Variants in ACP5 observed in about 807,000 individuals in gnomAD.
ACP5 encodes acid phosphatase 5, tartrate resistant.
A neutral mutation model predicts 28.7 loss-of-function variants in ACP5; 24 were observed. The observed-to-expected ratio is 0.84, with a 90% CI of 0.61 to 1.18. The LOEUF (loss-of-function observed/expected upper bound fraction) is 1.18, where lower values mean the gene tolerates loss of function less well. Among genes scored for constraint, ACP5 ranks in the 50% most tolerant of loss-of-function variants. The pLI is 0.00. For synonymous variants in ACP5, 154 were observed against 181.4 expected (o/e 0.85, Z 1.21); for missense variants, 354 against 422.2 (o/e 0.84, Z 1.42).
At position 11,577,385 on chromosome 19, in the gene ACP5, G is replaced by T; in HGVS notation, c.1-68C>A. 9 of 1,552,372 alleles carry T rather than the reference G, an allele frequency of 5.8e-6. No individual in the cohort carries two copies. The highest frequency in any genetic ancestry group is 7.9e-6 in the Non-Finnish European group (9 of 1,141,106). On this transcript the variant is annotated intron_variant, in intron 1 of 4. Transcript: ENST00000648477. This position sits in a 1 kb window ranked among gnomAD's most constrained non-coding sequence, Gnocchi z 5.7. Reference sequence around the variant, plus strand: ...AGGGCAGGGAGGCCTTGAGACCCCCGCCTGCCCTGAGATAGAGGGAGACTG... The same window carrying T: ...AGGGCAGGGAGGCCTTGAGACCCCCTCCTGCCCTGAGATAGAGGGAGACTG...
Position 11,577,144 on chromosome 19 carries a change from C to T in ACP5, c.174G>A (p.Val58=). 1.2e-6 allele frequency: 2 copies of T among 1,614,212 alleles called. No homozygotes were observed. Among genetic ancestry groups the T allele is most frequent in the African/African-American group, 2.7e-5 (2 of 75,058 alleles). The part of the protein sequence containing the change: ...MANAKEIART[V]QILGADFILS... ...GGATGAAGTCTGCACCCAGGATCTGCACAGTCCGAGCGATCTCCTTGGCAT... is the reference window on the plus strand; with the variant it reads ...GGATGAAGTCTGCACCCAGGATCTGTACAGTCCGAGCGATCTCCTTGGCAT... Residue 58 remains valine, a synonymous_variant, in exon 2 of 5, where the codon GTG becomes GTA. Transcript: ENST00000648477. This position sits in a 1 kb window ranked among gnomAD's most constrained non-coding sequence, Gnocchi z 5.7.
intron 4 of ACP5, 113 bp from the exon 5 acceptor site, chr19:11,575,365 C>T (rs1268638708): frequency 1.9e-5 from 25 of 1,299,518 alleles, no homozygotes; most frequent in Non-Finnish European, 2.6e-5. Context: ...TATGTAACCC[C>T]TCCTGGCTTC....
upstream of ACP5, chr19:11,577,667 G>C (rs1012455455): frequency 7.1e-6 from 3 of 423,068 alleles, no homozygotes; most frequent in Non-Finnish European, 1.3e-5. The surrounding 1 kb of genome is among the most constrained non-coding windows in gnomAD (Gnocchi z 5.7). Flanking sequence ...GCCGGTCCCT[G>C]AGCCTTTATT....
chr19:11,575,376 A>C, intron 4 of ACP5, 124 bp from the exon 5 acceptor site: 1 of 1,192,474 alleles, frequency 8.4e-7, no homozygotes, highest in East Asian at 2.5e-5. Context: ...TCCTGGCTTC[A>C]ATTTCCTGAC....
chr19:11,575,267 C>CA lies in ACP5; in HGVS notation c.736-16dup, dbSNP rs775399613. On this transcript the variant is annotated splice_polypyrimidine_tract_variant and intron_variant, in intron 4 of 4. Coordinates refer to ENST00000648477, the MANE Select transcript of ACP5 (RefSeq NM_001611.5). ...TCTTGCAGGTACTGAGGATGGAGGACAAGGGGTCAGTGGAGACCCAGCTTT... is the reference window on the plus strand; with the variant it reads ...TCTTGCAGGTACTGAGGATGGAGGACAAAGGGGTCAGTGGAGACCCAGCTTT... 3.7e-6 allele frequency: 6 copies of CA among 1,613,236 alleles called. No individual in the cohort carries two copies. The highest frequency in any genetic ancestry group is 3.4e-6 in the Non-Finnish European group (4 of 1,180,008).
At chr19:11,575,394 A>G in intron 4 of ACP5, 142 bp from the exon 5 acceptor site, 1 of 1,010,394 alleles carries the variant, frequency 9.9e-7, no homozygotes, top group Non-Finnish European at 1.5e-6. Context: ...GACTTTTAGG[A>G]GTGTATTAAT....
In ACP5 at chr19:11,576,536, C is replaced by T. The variant is rs2305799; in HGVS notation, c.442G>A (p.Val148Met). 186,873 of 1,613,754 alleles carry T rather than the reference C, an allele frequency of 0.12. 11,369 individuals are homozygous for T. Among genetic ancestry groups the T allele is most frequent in the Middle Eastern group, 0.17 (1,027 of 6,062 alleles). Residue 148 changes from valine to methionine, a missense_variant, in exon 4 of 5, where the codon GTG becomes ATG. By Grantham distance (21) the Val-to-Met change is conservative. Transcript: ENST00000648477. ...TCCAGCATAAAAATGGCCACAGACACATTGGTCTGTGGGATCTTGAAGTGC... is the reference window on the plus strand; with the variant it reads ...TCCAGCATAAAAATGGCCACAGACATATTGGTCTGTGGGATCTTGAAGTGC... ...RLHFKIPQTN[V>M]SVAIFMLDTV...
Position 11,575,165 on chromosome 19 carries a change from G to T in ACP5, c.823C>A (p.Pro275Thr), listed in dbSNP as rs1156558570. The change falls in exon 5 of 5, where the codon CCC becomes ACC. Residue 275 changes from proline to threonine, a missense_variant. Coordinates refer to ENST00000648477, the MANE Select transcript of ACP5 (RefSeq NM_001611.5). ...TAGTGGAAGCGCAGATAGCCGTTGG[G>T]GACCTTGCGCTGGTGCCGCTTTGAG... ...DPSKRHQRKV[P>T]NGYLRFHYGT... 2 of 1,614,046 alleles carry T rather than the reference G, an allele frequency of 1.2e-6. No homozygotes were observed. The highest frequency in any genetic ancestry group is 1.7e-6 in the Non-Finnish European group (2 of 1,180,044).
intron 4 of ACP5, 162 bp from the exon 5 acceptor site, chr19:11,575,414 T>C: frequency 2.4e-6 from 2 of 833,976 alleles, no homozygotes; most frequent in Admixed American, 2.2e-5. Flanking sequence ...TCCTATTTCA[T>C]AGGTAGAGCA....
rs141909893 is a variant in ACP5, at chr19:11,575,033, G to A, written c.955C>T (p.Leu319=). 505 of 1,614,208 alleles carry A rather than the reference G, an allele frequency of 3.1e-4. 3 individuals are homozygous for A. In the African/African-American group the frequency reaches 6.2e-3, roughly 20 times the overall value. Residue 319 remains leucine (L), a synonymous_variant, in exon 5 of 5, where the codon CTG becomes TTG. Coordinates refer to ENST00000648477, the MANE Select transcript of ACP5 (RefSeq NM_001611.5). ...GTTCAGGGCCTGGCTCGCCTCGGCA[G>A]CCTGGTCTTAAAGAGGGACTTGCCC... ...ASGKSLFKTR[L]PRRARP
At position 11,576,454 on chromosome 19, in the gene ACP5, G is replaced by A. The variant is rs1417062251; in HGVS notation, c.524C>T (p.Pro175Leu). ...TGTGCGGGCCAGCTTCACGTCTCGG[G>A]GCCTCTCAGGCTGCTGGCTGAGGAA... ...DDFLSQQPER[P>L]RDVKLARTQL... The change falls in exon 4 of 5, where the codon CCC (proline) becomes CTC (leucine). Residue 175 changes from proline (P) to leucine (L), a missense_variant. Physicochemically the swap from Pro to Leu is moderately conservative, Grantham distance 98 (BLOSUM62 -3). Transcript: ENST00000648477. 1 of 1,614,138 alleles carries A rather than the reference G, an allele frequency of 6.2e-7. No homozygotes were observed.
Position 11,574,916 on chromosome 19 carries a change from G to T in ACP5, c.*94C>A. The T allele has an allele frequency of 6.8e-7, 1 of 1,461,716 alleles. No homozygotes were observed. Among genetic ancestry groups the T allele is most frequent in the South Asian group, 1.2e-5 (1 of 86,820 alleles). The allele number at this position is 1,461,716 out of a possible 1,614,324, so 90.5% of individuals were successfully genotyped here. A position where few individuals can be genotyped will look rare whatever the true frequency, so the allele number is the denominator to read the frequency against. ...TTCCTGCCCTGCTGCAGCGCCACAG[G>T]TTGGAGGAAAAGCCTGCCTGTGAGC... On this transcript the variant is annotated 3_prime_UTR_variant, in exon 5 of 5. Transcript: ENST00000648477.
At chr19:11,575,398 T>C (rs1208522187) in intron 4 of ACP5, 146 bp from the exon 5 acceptor site, 3 of 943,462 alleles carry the variant, frequency 3.2e-6, no homozygotes, top group Admixed American at 2.1e-5. Context: ...TTTAGGAGTG[T>C]ATTAATCCTA....
intron 3 of ACP5, 27 bp downstream of exon 3, chr19:11,576,689 C>T (rs541543818): frequency 1.1e-5 from 18 of 1,613,918 alleles, no homozygotes; most frequent in South Asian, 6.6e-5. Context: ...GTGAGGATCT[C>T]GGAAGGCAGG....
chr19:11,576,357 G>A lies in ACP5; in HGVS notation c.621C>T (p.Pro207=), dbSNP rs372107388. The A allele has an allele frequency of 3.5e-5, 57 of 1,610,260 alleles. No individual in the cohort carries two copies. In the Admixed American group the frequency reaches 6.0e-4, roughly 17 times the overall value. Reference sequence around the variant, plus strand: ...GCCCGTGCTCGGCTATGGACCACACGGGGTAGTGGCCAGCCACCAGCACGT... The same window carrying A: ...GCCCGTGCTCGGCTATGGACCACACAGGGTAGTGGCCAGCCACCAGCACGT... ...EDYVLVAGHY[P]VWSIAEHGPT... is the part of the protein sequence containing the mutation. Residue 207 remains proline (P), a synonymous_variant, in exon 4 of 5, where the codon CCC becomes CCT. Coordinates refer to ENST00000648477, the MANE Select transcript of ACP5 (RefSeq NM_001611.5).
rs772911511 is a variant in ACP5 at position 11,577,303 on chromosome 19, C to T, written c.15G>A (p.Thr5=). ...ACAAGGCTTGCAGGATGAGCAGCGC[C>T]GTCCACATGTCCATCTGGGAGAAGA... MDMW[T]ALLILQALLL... The change falls in exon 2 of 5, where the codon ACG becomes ACA. Residue 5 remains threonine (T), a synonymous_variant. Transcript: ENST00000648477. The surrounding 1 kb of genome is among the most constrained non-coding windows in gnomAD (Gnocchi z 5.7). 16 of 1,613,806 alleles carry T rather than the reference C, an allele frequency of 9.9e-6. No individual in the cohort carries two copies. In the East Asian group the frequency reaches 1.1e-4, roughly 11 times the overall value.
rs1446521372 is a variant in ACP5 at position 11,577,318 on chromosome 19, C to T, written c.1-1G>A. Reference sequence around the variant, plus strand: ...TGAGCAGCGCCGTCCACATGTCCATCTGGGAGAAGAGAGACAAGCATAGGT... The same window carrying T: ...TGAGCAGCGCCGTCCACATGTCCATTTGGGAGAAGAGAGACAAGCATAGGT... On this transcript the variant is annotated splice_acceptor_variant, in intron 1 of 4. Transcript: ENST00000648477. LOFTEE classifies it low-confidence loss of function (5UTR_SPLICE). This position sits in a 1 kb window ranked among gnomAD's most constrained non-coding sequence, Gnocchi z 5.7. 1 of 1,613,602 alleles carries T rather than the reference C, an allele frequency of 6.2e-7. No homozygotes were observed. Among genetic ancestry groups the T allele is most frequent in the African/African-American group, 1.3e-5 (1 of 74,918 alleles).
chr19:11,575,229 C>T lies in ACP5; in HGVS notation c.759G>A (p.Val253=), dbSNP rs1973087424. The change falls in exon 5 of 5, where the codon GTG becomes GTA. Residue 253 remains valine (V), a synonymous_variant. Transcript: ENST00000648477. ...TCCCAGCCCCACTCAGCACGTAGCC[C>T]ACGCCATTCTCATCTTGCAGGTACT... The part of the protein sequence containing the change: ...NLQYLQDENG[V]GYVLSGAGNF... The T allele has an allele frequency of 6.2e-7, 1 of 1,613,644 alleles. No homozygotes were observed. Among genetic ancestry groups the T allele is most frequent in the Non-Finnish European group, 8.5e-7 (1 of 1,180,024 alleles).
chr19:11,577,571 A>G lies in ACP5; in HGVS notation c.-1+22T>C, dbSNP rs1047079516. ...TGCAGGCCCATTTCACCCTCCTTCC[A>G]CCTAGCCTGCCCAGCACTCACCCAG... On this transcript the variant is annotated intron_variant, in intron 1 of 4. Coordinates refer to ENST00000648477, the MANE Select transcript of ACP5 (RefSeq NM_001611.5). The surrounding 1 kb of genome is among the most constrained non-coding windows in gnomAD (Gnocchi z 5.7). The G allele has an allele frequency of 3.5e-6, 2 of 578,120 alleles. No individual in the cohort carries two copies. Among genetic ancestry groups the G allele is most frequent in the African/African-American group, 3.7e-5 (2 of 53,572 alleles). The allele number at this position is 578,120 out of a possible 1,614,324, so 35.8% of individuals were successfully genotyped here. A position where few individuals can be genotyped will look rare whatever the true frequency, so the allele number is the denominator to read the frequency against.
Sources: gnomAD v4.1 joint callset for allele counts on GRCh38, gnomAD v4.1.1 for gene constraint, Gnocchi (gnomAD v3.1) non-coding constraint, MANE v1.5 for transcripts, NCBI Gene and HGNC (gene_info 2026-07-23, HGNC 2026-07-21) for gene names.